Variants in CCDC85A observed in about 807,000 individuals in gnomAD.
CCDC85A encodes the protein coiled-coil domain containing 85A.
In CCDC85A, 38 loss-of-function variants were observed where a neutral mutation model predicts 50.2. The observed-to-expected ratio is 0.76, with a 90% CI of 0.58 to 0.99. The LOEUF (loss-of-function observed/expected upper bound fraction) is 0.99. CCDC85A is among the 50% of genes least tolerant of loss of function. The probability of loss-of-function intolerance (pLI) is 0.00; values close to 1 mark genes in which losing one functional copy is unlikely to be tolerated. For missense variants in CCDC85A, 820 were observed against 742.0 expected (o/e 1.11, Z -1.22); for synonymous variants, 366 against 301.4 (o/e 1.21, Z -2.22).
chr2:56,217,034 A>G (rs1490734954), intron 2 of CCDC85A, among the ~76,000 whole-genome samples: 5 of 151,926 alleles, frequency 3.3e-5, no homozygotes, highest in Non-Finnish European at 5.9e-5. Flanking sequence ...AAAGTTGCCA[A>G]TGTCAAAGGC....
At chr2:56,353,209 C>G (rs1326645629) in intron 3 of CCDC85A, among the ~76,000 whole-genome samples, 1 of 152,146 alleles carries the variant, frequency 6.6e-6, no homozygotes, top group Non-Finnish European at 1.5e-5. Context: ...AAGACTCAGA[C>G]CATATCAGAT....
Position 56,323,114 on chromosome 2 carries a change from G to A in CCDC85A, c.1241-19765G>A, listed in dbSNP as rs150079558. 5.8e-3 allele frequency among the ~76,000 whole-genome samples: 878 copies of A among 152,128 alleles called. 8 individuals are homozygous for A. Among genetic ancestry groups the A allele is most frequent in the African/African-American group, 0.02 (820 of 41,532 alleles). On this transcript the variant is annotated intron_variant, in intron 2 of 5. Transcript: ENST00000407595. ...AACAATGAGAACACATGGACACAGG[G>A]TGGGGAACATCACACACCAGGGCCT...
chr2:56,290,096 C>A (rs993278407), intron 2 of CCDC85A, among the ~76,000 whole-genome samples: 2 of 152,054 alleles, frequency 1.3e-5, no homozygotes, highest in African/African-American at 4.8e-5. Context: ...TGGCCACATC[C>A]TTCTATAATT....
intron 2 of CCDC85A, among the ~76,000 whole-genome samples, chr2:56,231,080 A>G (rs1320547734): frequency 6.6e-6 from 1 of 152,220 alleles, no homozygotes; most frequent in Non-Finnish European, 1.5e-5. Context: ...AGCATAAAAA[A>G]TTAGTTCCTC....
chr2:56,373,950 T>A (rs1436859877), intron 4 of CCDC85A, among the ~76,000 whole-genome samples: 3 of 152,198 alleles, frequency 2.0e-5, no homozygotes, highest in Non-Finnish European at 4.4e-5. Context: ...GTCCAAAATA[T>A]GAGGGTGGGT....
intron 2 of CCDC85A, among the ~76,000 whole-genome samples, chr2:56,303,487 G>A: frequency 6.6e-6 from 1 of 152,006 alleles, no homozygotes; most frequent in Non-Finnish European, 1.5e-5. Flanking sequence ...ACTGTCACAG[G>A]TAGAAAAGAA....
chr2:56,382,167 A>C (rs1676616214), intron 5 of CCDC85A, among the ~76,000 whole-genome samples: 1 of 152,076 alleles, frequency 6.6e-6, no homozygotes, highest in Non-Finnish European at 1.5e-5. Flanking sequence ...ATAGGGAAAA[A>C]TGCAGATTGT....
chr2:56,184,374 T>G lies in CCDC85A; in HGVS notation c.-251T>G. The G allele has an allele frequency of 2.1e-6, 1 of 484,280 alleles. No homozygotes were observed. The highest frequency in any genetic ancestry group is 5.0e-5 in the Admixed American group (1 of 20,128). 30.0% of individuals were successfully genotyped at this position (484,280 alleles called of 1,614,324 possible). A position where few individuals can be genotyped will look rare whatever the true frequency, so the allele number is the denominator to read the frequency against. On this transcript the variant is annotated 5_prime_UTR_variant, in exon 1 of 6. Transcript: ENST00000407595. ...CCCTCACCATGGACTTGCGCGGAGTTGGGACGGGCCTCGGCAGCAGCAAGC... is the reference window on the plus strand; with the variant it reads ...CCCTCACCATGGACTTGCGCGGAGTGGGGACGGGCCTCGGCAGCAGCAAGC...
chr2:56,244,315 C>T (rs1669404069), intron 2 of CCDC85A, among the ~76,000 whole-genome samples: 1 of 152,142 alleles, frequency 6.6e-6, no homozygotes, highest in Non-Finnish European at 1.5e-5. Flanking sequence ...CCCCTTGCGC[C>T]AGCAGAGGAA....
rs774131238 is a variant in CCDC85A, at chr2:56,193,162, G to T, written c.962G>T (p.Arg321Leu). Residue 321 changes from arginine to leucine, a missense_variant, in exon 2 of 6, where the codon CGG (arginine) becomes CTG (leucine). Coordinates refer to ENST00000407595, the MANE Select transcript of CCDC85A (RefSeq NM_001080433.2). ...SGSPEHFQKH[R>L]SGSSPEHARH... ...AGCCCGGAACACTTCCAGAAGCACC[G>T]GTCAGGGAGCAGCCCTGAACACGCC... 1.2e-6 allele frequency: 2 copies of T among 1,612,508 alleles called. No individual in the cohort carries two copies. The highest frequency in any genetic ancestry group is 8.5e-7 in the Non-Finnish European group (1 of 1,178,894).
rs140688198 is a variant in CCDC85A, at chr2:56,263,303, T to C, written c.1240+69863T>C. 5.1e-3 allele frequency among the ~76,000 whole-genome samples: 771 copies of C among 152,344 alleles called. 10 individuals are homozygous for C. Among genetic ancestry groups the C allele is most frequent in the African/African-American group, 0.018 (732 of 41,576 alleles). On this transcript the variant is annotated intron_variant, in intron 2 of 5. Transcript: ENST00000407595. Reference sequence around the variant, plus strand: ...AGATCTTCTAGATAGTGTTCATAAGTAATAAAACTTGATTAAGAAATCCAT... The same window carrying C: ...AGATCTTCTAGATAGTGTTCATAAGCAATAAAACTTGATTAAGAAATCCAT...
chr2:56,352,413 G>A (rs988069073), intron 3 of CCDC85A, among the ~76,000 whole-genome samples: 8 of 151,962 alleles, frequency 5.3e-5, no homozygotes, highest in Admixed American at 2.0e-4. Flanking sequence ...TGGTGTGATC[G>A]CGGCTCACTG....
chr2:56,347,420 A>G (rs933032489), intron 3 of CCDC85A, among the ~76,000 whole-genome samples: 2 of 152,134 alleles, frequency 1.3e-5, no homozygotes, highest in Non-Finnish European at 2.9e-5. Flanking sequence ...TGACAAATTC[A>G]TTTTTTCCAA....
chr2:56,370,297 C>G lies in CCDC85A; in HGVS notation c.1318-2047C>G, dbSNP rs1302786264. ...AAACACTGTAATTGGTGATTGTAGG[C>G]CCTGCGAAACACTAAGCCTTCATTA... On this transcript the variant is annotated intron_variant, in intron 3 of 5. Coordinates refer to ENST00000407595, the MANE Select transcript of CCDC85A (RefSeq NM_001080433.2). Among the ~76,000 whole-genome samples, 3 of 151,990 alleles carry G rather than the reference C, an allele frequency of 2.0e-5. No individual in the cohort carries two copies. In the East Asian group the frequency reaches 5.8e-4, roughly 29 times the overall value.
At chr2:56,379,895 C>T (rs1040304723) in intron 5 of CCDC85A, 19 of 546,370 alleles carry the variant, frequency 3.5e-5, no homozygotes, top group Non-Finnish European at 4.4e-5. Context: ...AAAGCCACAT[C>T]GTAGCTTAGC....
At chr2:56,273,818 A>G (rs1035533837) in intron 2 of CCDC85A, among the ~76,000 whole-genome samples, 3 of 152,066 alleles carry the variant, frequency 2.0e-5, no homozygotes, top group Non-Finnish European at 4.4e-5. Context: ...CTAGAAAAAA[A>G]TGGAGTTTAT....
chr2:56,275,891 C>G (rs1670912033), intron 2 of CCDC85A, among the ~76,000 whole-genome samples: 1 of 152,156 alleles, frequency 6.6e-6, no homozygotes, highest in Non-Finnish European at 1.5e-5. Flanking sequence ...CTGAGTAAAT[C>G]TGACCTTTTG....
intron 2 of CCDC85A, among the ~76,000 whole-genome samples, chr2:56,322,357 A>G (rs987030379): frequency 1.3e-5 from 2 of 152,200 alleles, no homozygotes; most frequent in African/African-American, 2.4e-5. Flanking sequence ...TGAACAGGCA[A>G]CCTACAGAAT....
chr2:56,340,142 C>T (rs898942828), intron 2 of CCDC85A, among the ~76,000 whole-genome samples: 4 of 152,098 alleles, frequency 2.6e-5, no homozygotes, highest in African/African-American at 9.7e-5. Context: ...CTAAGCTAGT[C>T]AGAGATGAGC....
Sources: gnomAD v4.1 joint callset for allele counts (sites outside exome capture counted in the v4.1 genomes callset) on GRCh38, gnomAD v4.1.1 for gene constraint, MANE v1.5 for transcripts, NCBI Gene and HGNC (gene_info 2026-07-23, HGNC 2026-07-21) for gene names.